Variants in SLC2A2 observed in about 807,000 individuals in gnomAD.
SLC2A2 encodes the protein solute carrier family 2 member 2.
A neutral mutation model predicts 54.5 loss-of-function variants in SLC2A2; 36 were observed. The observed-to-expected ratio is 0.66, with a 90% CI of 0.51 to 0.87. SLC2A2 has a LOEUF of 0.87. Ranked by LOEUF, SLC2A2 falls within the 40% of genes least tolerant of loss-of-function variation. The probability of loss-of-function intolerance (pLI) is 0.00; values close to 1 mark genes in which losing one functional copy is unlikely to be tolerated. For missense variants in SLC2A2, 543 were observed against 624.3 expected (o/e 0.87, Z 1.39); for synonymous variants, 223 against 219.1 (o/e 1.02, Z -0.16).
At chr3:171,002,787 A>C (rs971985128) in intron 7 of SLC2A2, 107 bp from the exon 8 acceptor site, 1 of 721,960 alleles carries the variant, frequency 1.4e-6, no homozygotes, top group Non-Finnish European at 2.5e-6. Flanking sequence ...CTATAGCGGC[A>C]TGCACCCTAG....
chr3:171,019,097 GTATATA>G (rs775019312), intron 1 of SLC2A2, among the ~76,000 whole-genome samples: 2 of 20,154 alleles, frequency 9.9e-5, no homozygotes, highest in Non-Finnish European at 7.5e-5. Flanking sequence ...GTGTGTGTGT[GTATATA>G]TATATATATA....
In SLC2A2 at chr3:171,005,978, T is replaced by C; in HGVS notation, c.740A>G (p.Tyr247Cys). The change falls in exon 6 of 11, where the codon TAC becomes TGC. Residue 247 changes from tyrosine (Y) to cysteine (C), a missense_variant. Tyr to Cys is a radical substitution (Grantham distance 194). Coordinates refer to ENST00000314251, the MANE Select transcript of SLC2A2 (RefSeq NM_000340.2). ...FFCPESPRYL[Y>C]IKLDEEVKAK... ...TTTGACTTCCTCATCTAACTTGATGTAAAGGTATCTGGGGCTTTCTGGACA... is the reference window on the plus strand; with the variant it reads ...TTTGACTTCCTCATCTAACTTGATGCAAAGGTATCTGGGGCTTTCTGGACA... The C allele has an allele frequency of 6.2e-7, 1 of 1,612,510 alleles. No individual in the cohort carries two copies. Among genetic ancestry groups the C allele is most frequent in the Non-Finnish European group, 8.5e-7 (1 of 1,179,010 alleles).
intron 1 of SLC2A2, among the ~76,000 whole-genome samples, chr3:171,024,009 T>C (rs977088369): frequency 5.9e-5 from 9 of 152,172 alleles, no homozygotes; most frequent in African/African-American, 1.7e-4. Flanking sequence ...AGTGTTTATA[T>C]TGTGGCTCAT....
At chr3:171,014,826 A>G (rs1716064492) in intron 2 of SLC2A2, 95 bp from the exon 3 acceptor site, 2 of 945,636 alleles carry the variant, frequency 2.1e-6, no homozygotes, top group East Asian at 5.0e-5. Context: ...AAATAGTACC[A>G]TCTCAATTAT....
rs1800572 is a variant in SLC2A2, at chr3:171,014,539, C to T, written c.301G>A (p.Val101Ile). Residue 101 changes from valine to isoleucine, a missense_variant, in exon 3 of 11, where the codon GTA (valine) becomes ATA (isoleucine). This residue lies in a region of SLC2A2 where 318 missense variants were observed against 343.8 expected (regional missense o/e 0.93). Coordinates refer to ENST00000314251, the MANE Select transcript of SLC2A2 (RefSeq NM_000340.2). ...QLITMLWSLS[V>I]SSFAVGGMTA... ...ATTCCACCAACTGCAAAGCTGGATA[C>T]AGACAGGGACCAGAGCATGGTGATT... The T allele has an allele frequency of 9.0e-4, 1,460 of 1,614,160 alleles. 17 individuals are homozygous for T. The East Asian group carries it at 0.023, about 25-fold the overall frequency.
intron 2 of SLC2A2, among the ~76,000 whole-genome samples, chr3:171,016,555 C>G (rs997216273): frequency 6.6e-6 from 1 of 152,114 alleles, no homozygotes; most frequent in Admixed American, 6.5e-5. Flanking sequence ...CTAATACTGT[C>G]TTCAGTAGGC....
chr3:171,020,972 A>T (rs1000616993), intron 1 of SLC2A2, among the ~76,000 whole-genome samples: 8 of 151,288 alleles, frequency 5.3e-5, no homozygotes, highest in African/African-American at 1.5e-4. Flanking sequence ...TACATATAAG[A>T]TATATTAACA....
intron 3 of SLC2A2, among the ~76,000 whole-genome samples, chr3:171,012,540 AC>A (rs1200498229): frequency 2.6e-5 from 4 of 152,302 alleles, no homozygotes; most frequent in Admixed American, 2.0e-4. Flanking sequence ...GGCCTTGCAA[AC>A]CCAAAACTAT....
At chr3:171,025,244 A>G (rs1716633946) in intron 1 of SLC2A2, among the ~76,000 whole-genome samples, 1 of 151,430 alleles carries the variant, frequency 6.6e-6, no homozygotes, top group Non-Finnish European at 1.5e-5. Flanking sequence ...ATAGCATTTT[A>G]TATTTAACTT....
chr3:171,019,524 C>T (rs1442314706), intron 1 of SLC2A2, among the ~76,000 whole-genome samples: 1 of 152,104 alleles, frequency 6.6e-6, no homozygotes, highest in Non-Finnish European at 1.5e-5. Context: ...ATTTACATGT[C>T]TAACTATCTT....
At position 171,002,177 on chromosome 3, in the gene SLC2A2, T is replaced by C. The variant is rs1368753806; in HGVS notation, c.1068+399A>G. Among the ~76,000 whole-genome samples, 5 of 152,056 alleles carry C rather than the reference T, an allele frequency of 3.3e-5. No homozygotes were observed. The East Asian group carries it at 9.7e-4, about 30-fold the overall frequency. ...ACATGGTAAAAAAAAGAATTTGAACTATGTAAAAAGAGGAATCTAAGTAGA... is the reference window on the plus strand; with the variant it reads ...ACATGGTAAAAAAAAGAATTTGAACCATGTAAAAAGAGGAATCTAAGTAGA... On this transcript the variant is annotated intron_variant, in intron 8 of 10. Transcript: ENST00000314251.
chr3:171,003,876 C>T (rs542103872), intron 7 of SLC2A2, among the ~76,000 whole-genome samples: 9 of 152,180 alleles, frequency 5.9e-5, no homozygotes, highest in African/African-American at 2.2e-4. Flanking sequence ...TTTACAGTCT[C>T]ACCAGCATGT....
Position 170,997,813 on chromosome 3 carries a change from A to T in SLC2A2, c.*90T>A. The stretch of plus-strand genomic sequence containing the variant: ...CATAAAAATAAAACAATACTTAAAG[A>T]TGTGGATATAAAATGCTCAAGGAAT... On this transcript the variant is annotated 3_prime_UTR_variant, in exon 11 of 11. Coordinates refer to ENST00000314251, the MANE Select transcript of SLC2A2 (RefSeq NM_000340.2). 1.0e-6 allele frequency: 1 copy of T among 995,592 alleles called. No individual in the cohort carries two copies. The highest frequency in any genetic ancestry group is 1.6e-6 in the Non-Finnish European group (1 of 634,322). The allele number at this position is 995,592 out of a possible 1,614,324, so 61.7% of individuals were successfully genotyped here. A position where few individuals can be genotyped will look rare whatever the true frequency, so the allele number is the denominator to read the frequency against.
chr3:171,020,994 T>C (rs1257541014), intron 1 of SLC2A2, among the ~76,000 whole-genome samples: 2 of 151,658 alleles, frequency 1.3e-5, no homozygotes, highest in East Asian at 1.9e-4. Context: ...TTTATGTTTA[T>C]TACACGTGAA....
At chr3:171,001,763 A>G (rs1715343382) in intron 8 of SLC2A2, among the ~76,000 whole-genome samples, 1 of 149,436 alleles carries the variant, frequency 6.7e-6, no homozygotes, top group African/African-American at 2.5e-5. Flanking sequence ...ATTATGTTAG[A>G]TATTCTTGTT....
Position 171,007,133 on chromosome 3 carries a change from A to T in SLC2A2, c.612+15T>A. The stretch of plus-strand genomic sequence containing the variant: ...TAGATGGGTGCAGTAGGGGATAAGG[A>T]TGGGGAGTTTTTACCTGACTAATAA... On this transcript the variant is annotated intron_variant, in intron 5 of 10. Transcript: ENST00000314251. 1 of 1,452,846 alleles carries T rather than the reference A, an allele frequency of 6.9e-7. No homozygotes were observed. The highest frequency in any genetic ancestry group is 9.7e-7 in the Non-Finnish European group (1 of 1,034,200). The allele number at this position is 1,452,846 out of a possible 1,614,324, so 90.0% of individuals were successfully genotyped here. A position where few individuals can be genotyped will look rare whatever the true frequency, so the allele number is the denominator to read the frequency against.
chr3:171,020,110 A>G (rs1400964629), intron 1 of SLC2A2, among the ~76,000 whole-genome samples: 2 of 152,196 alleles, frequency 1.3e-5, no homozygotes, highest in African/African-American at 2.4e-5. Flanking sequence ...CTTCCCTTAT[A>G]GGAGCAGTTT....
chr3:171,001,254 A>G (rs1310796731), intron 8 of SLC2A2, among the ~76,000 whole-genome samples: 1 of 152,102 alleles, frequency 6.6e-6, no homozygotes, highest in Admixed American at 6.6e-5. Context: ...TGTTTTAATA[A>G]TAATCTATCA....
At chr3:171,014,800 T>A in intron 2 of SLC2A2, 69 bp from the exon 3 acceptor site, 1 of 1,289,570 alleles carries the variant, frequency 7.8e-7, no homozygotes, top group Non-Finnish European at 1.1e-6. Context: ...GTCTTTAAAG[T>A]GTTTGTTACG....
Sources: gnomAD v4.1 joint callset for allele counts (sites outside exome capture counted in the v4.1 genomes callset) on GRCh38, gnomAD v4.1.1 for gene constraint, gnomAD v4.1.1 regional missense constraint, MANE v1.5 for transcripts, NCBI Gene and HGNC (gene_info 2026-07-23, HGNC 2026-07-21) for gene names.